RIN2: variants seen among roughly 807,000 people sequenced by gnomAD.
RIN2 encodes the protein Ras and Rab interactor 2.
A neutral mutation model predicts 78.0 loss-of-function variants in RIN2; 36 were observed. The observed-to-expected ratio is 0.46, with a 90% confidence interval of 0.35 to 0.61. The LOEUF (loss-of-function observed/expected upper bound fraction) is 0.61. Among genes scored for constraint, RIN2 ranks in the 20% least tolerant of loss-of-function variants. The pLI, the probability that RIN2 is intolerant of heterozygous loss-of-function variation, is 0.00. For missense variants in RIN2, 1,087 were observed against 1,159.7 expected, an observed-to-expected ratio of 0.94 and a Z score of 0.91; for synonymous variants, 466 against 466.8, an observed-to-expected ratio of 1.00 and a Z score of 0.02.
intron 1 of RIN2, among the ~76,000 whole-genome samples, chr20:19,796,464 T>C (rs2035057543): frequency 6.6e-6 from 1 of 152,156 alleles, no homozygotes; most frequent in East Asian, 1.9e-4. Flanking sequence ...GTGAAGAAAA[T>C]GGAAAATATT....
At chr20:19,831,310 G>A (rs777821722) in intron 2 of RIN2, among the ~76,000 whole-genome samples, 28 of 152,192 alleles carry the variant, frequency 1.8e-4, no homozygotes, top group Non-Finnish European at 2.6e-4. Context: ...TCTAGTTAGT[G>A]ATATGTATGT....
chr20:19,768,953 G>T (rs550806946), intron 1 of RIN2, among the ~76,000 whole-genome samples: 1 of 137,028 alleles, frequency 7.3e-6, no homozygotes, highest in African/African-American at 2.8e-5. Flanking sequence ...ACCGAGTCTC[G>T]CTCTGTCACC....
intron 3 of RIN2, among the ~76,000 whole-genome samples, chr20:19,923,425 T>TAAATAAAATA (rs561665019): frequency 0.2 from 24,528 of 125,040 alleles, 2,746 homozygotes; most frequent in Middle Eastern, 0.24. Flanking sequence ...CAAAATAAAA[T>TAAATAAAATA]AAATAAAATA....
intron 1 of RIN2, among the ~76,000 whole-genome samples, chr20:19,770,570 C>T (rs1045323526): frequency 3.3e-5 from 5 of 152,130 alleles, no homozygotes; most frequent in African/African-American, 7.2e-5. Flanking sequence ...GTTTTCCCTG[C>T]GGAGCTGCTT....
At chr20:19,826,975 G>T (rs200326807) in intron 2 of RIN2, among the ~76,000 whole-genome samples, 6 of 128,642 alleles carry the variant, frequency 4.7e-5, no homozygotes, top group African/African-American at 6.0e-5. Context: ...TTGGTTTTGG[G>T]TTTTTTTTTT....
chr20:19,968,408 CCTTT>C (rs1374986626), intron 7 of RIN2, among the ~76,000 whole-genome samples: 1 of 152,106 alleles, frequency 6.6e-6, no homozygotes, highest in African/African-American at 2.4e-5. Context: ...AATTGAGGCC[CCTTT>C]CTTTAATAGG....
intron 2 of RIN2, among the ~76,000 whole-genome samples, chr20:19,862,908 A>C (rs145664572): frequency 6.6e-6 from 1 of 152,176 alleles, no homozygotes; most frequent in South Asian, 2.1e-4. Context: ...GGTTTGTAAC[A>C]TGACTTAATG....
intron 1 of RIN2, among the ~76,000 whole-genome samples, chr20:19,769,719 T>A (rs186432639): frequency 6.6e-6 from 1 of 152,028 alleles, no homozygotes; most frequent in Non-Finnish European, 1.5e-5. Context: ...GCAGCTGGAG[T>A]AATGGCTGAG....
At chr20:19,871,420 A>G (rs2037684707) in intron 2 of RIN2, among the ~76,000 whole-genome samples, 1 of 152,200 alleles carries the variant, frequency 6.6e-6, no homozygotes, top group African/African-American at 2.4e-5. Context: ...CTCATGAGGT[A>G]TCTTTGGGAG....
chr20:19,847,077 C>T (rs1437755546), intron 2 of RIN2, among the ~76,000 whole-genome samples: 2 of 152,160 alleles, frequency 1.3e-5, no homozygotes, highest in African/African-American at 4.8e-5. Flanking sequence ...ATTGGGCAGA[C>T]CAAAATTAAA....
At chr20:19,933,332 C>T (rs1483765769) in intron 3 of RIN2, among the ~76,000 whole-genome samples, 2 of 152,198 alleles carry the variant, frequency 1.3e-5, no homozygotes, top group Non-Finnish European at 2.9e-5. Flanking sequence ...TCCTGGCCTC[C>T]AGAACTTTCT....
At chr20:19,874,349 G>A (rs1209166306) in intron 2 of RIN2, among the ~76,000 whole-genome samples, 1 of 152,168 alleles carries the variant, frequency 6.6e-6, no homozygotes, top group African/African-American at 2.4e-5. Flanking sequence ...GGGGCTAGCA[G>A]GAACCTAAAC....
chr20:19,956,547 AG>A, intron 4 of RIN2, 67 bp from the exon 5 acceptor site: 1 of 1,472,294 alleles, frequency 6.8e-7, no homozygotes, highest in East Asian at 2.4e-5. Context: ...ATGAACTTGT[AG>A]GGACGGTCTC....
intron 3 of RIN2, among the ~76,000 whole-genome samples, chr20:19,918,766 T>TAA (rs201557004): frequency 1.1e-4 from 15 of 137,382 alleles, no homozygotes; most frequent in African/African-American, 2.7e-4. Context: ...GGGCCTTAAT[T>TAA]AAAAAAAAAA....
intron 11 of RIN2, among the ~76,000 whole-genome samples, chr20:19,993,972 G>A (rs1272837837): frequency 6.6e-6 from 1 of 152,178 alleles, no homozygotes; most frequent in Admixed American, 6.6e-5. Context: ...GTGCACTCAG[G>A]ACAAACATTG....
At chr20:19,983,768 A>G (rs931343934) in intron 9 of RIN2, among the ~76,000 whole-genome samples, 1 of 152,222 alleles carries the variant, frequency 6.6e-6, no homozygotes, top group African/African-American at 2.4e-5. Flanking sequence ...TGGTATACCC[A>G]TCACCTGAAT....
chr20:19,787,477 C>T lies in RIN2; in HGVS notation c.-162-12145C>T, dbSNP rs192484285. On this transcript the variant is annotated intron_variant, in intron 1 of 12. Transcript: ENST00000255006. ...AGAGAGAGAGAAATGACCTCAAATGCGGGGCTAGAGGGAGAAGATTTTATT... is the reference window on the plus strand; with the variant it reads ...AGAGAGAGAGAAATGACCTCAAATGTGGGGCTAGAGGGAGAAGATTTTATT... Among the ~76,000 whole-genome samples, 12 of 144,640 alleles carry T rather than the reference C, an allele frequency of 8.3e-5. No homozygotes were observed. In the East Asian group the frequency reaches 1.0e-3, roughly 12 times the overall value. 94.9% of individuals were successfully genotyped at this position (144,640 alleles called of 152,430 possible). A position where few individuals can be genotyped will look rare whatever the true frequency, so the allele number is the denominator to read the frequency against.
intron 2 of RIN2, among the ~76,000 whole-genome samples, chr20:19,845,350 A>G (rs1373806501): frequency 1.3e-5 from 2 of 152,200 alleles, no homozygotes; most frequent in Non-Finnish European, 2.9e-5. Flanking sequence ...ACTCCCACCA[A>G]CAGTGTAAAA....
chr20:19,764,238 A>T (rs570518626), intron 1 of RIN2, among the ~76,000 whole-genome samples: 1 of 152,328 alleles, frequency 6.6e-6, no homozygotes, highest in East Asian at 1.9e-4. Flanking sequence ...ATTTTTCCCA[A>T]ATACTGAACT....
Sources: allele counts gnomAD v4.1 joint callset (sites outside exome capture counted in the v4.1 genomes callset), GRCh38; gene constraint gnomAD v4.1.1; transcripts MANE v1.5; gene names NCBI Gene and HGNC (gene_info 2026-07-23, HGNC 2026-07-21).